The following ARHGAP44 variants were observed in gnomAD, a reference collection of about 807,000 sequenced individuals.
ARHGAP44 encodes the protein rho GTPase-activating protein 44.
Under a neutral mutation model 106.8 loss-of-function variants are expected in ARHGAP44, and 43 were observed. That is an observed-to-expected ratio of 0.40 (90% confidence interval 0.32 to 0.52). The LOEUF is 0.52. Ranked by LOEUF, ARHGAP44 falls within the 20% of genes least tolerant of loss-of-function variation. The pLI is 0.48. For missense variants in ARHGAP44, 866 were observed against 1,050.5 expected (o/e 0.82, Z 2.43); for synonymous variants, 439 against 410.3 (o/e 1.07, Z -0.85).
At chr17:12,951,504 G>T (rs1250275859) in intron 12 of ARHGAP44, among the ~76,000 whole-genome samples, 1 of 152,140 alleles carries the variant, frequency 6.6e-6, no homozygotes. Context: ...TTATTTATTG[G>T]ATATATAAGT....
Position 12,923,443 on chromosome 17 carries a change from T to C in ARHGAP44, c.464+3612T>C, listed in dbSNP as rs111680117. 7.6e-3 allele frequency among the ~76,000 whole-genome samples: 1,154 copies of C among 152,260 alleles called. 33 individuals are homozygous for C. The South Asian group carries it at 0.1, about 14-fold the overall frequency. ...GTTGGCCAGGCTGGTCTCGAACTCCTGACCTCAGGTAGATCCGTCTGCCTC... is the reference window on the plus strand; with the variant it reads ...GTTGGCCAGGCTGGTCTCGAACTCCCGACCTCAGGTAGATCCGTCTGCCTC... On this transcript the variant is annotated intron_variant, in intron 6 of 20. Transcript: ENST00000379672.
chr17:12,975,359 G>T (rs1004148622), intron 18 of ARHGAP44, among the ~76,000 whole-genome samples: 2 of 152,026 alleles, frequency 1.3e-5, no homozygotes, highest in Non-Finnish European at 2.9e-5. Context: ...GTCAGGGAAT[G>T]AATGGAGGTG....
intron 5 of ARHGAP44, 147 bp from the exon 6 acceptor site, chr17:12,919,608 A>T: frequency 3.8e-6 from 2 of 530,558 alleles, no homozygotes; most frequent in Non-Finnish European, 6.6e-6. Context: ...CTGGTCTCGA[A>T]CTCCTGACCT....
chr17:12,989,791 C>A (rs748776973), intron 20 of ARHGAP44, among the ~76,000 whole-genome samples: 1 of 152,176 alleles, frequency 6.6e-6, no homozygotes, highest in Non-Finnish European at 1.5e-5. Context: ...TCTGGCCTTC[C>A]TCTGAACCAC....
chr17:12,865,306 A>G (rs936681466), intron 1 of ARHGAP44, among the ~76,000 whole-genome samples: 4 of 152,240 alleles, frequency 2.6e-5, no homozygotes, highest in African/African-American at 9.6e-5. Context: ...ACACAATTCT[A>G]CATCAAGCTC....
At chr17:12,799,756 A>G (rs1204953668) in intron 1 of ARHGAP44, among the ~76,000 whole-genome samples, 1 of 152,096 alleles carries the variant, frequency 6.6e-6, no homozygotes, top group Non-Finnish European at 1.5e-5. Context: ...CAGCCTCCTG[A>G]GTAGCTGAGA....
At chr17:12,910,260 CTT>C (rs71369352) in intron 4 of ARHGAP44, among the ~76,000 whole-genome samples, 2,868 of 132,852 alleles carry the variant, frequency 0.022, 87 homozygotes, top group African/African-American at 0.073. Flanking sequence ...GGGGAGGAAA[CTT>C]TTTTTTTTTT....
chr17:12,910,155 A>G (rs890558269), intron 4 of ARHGAP44, among the ~76,000 whole-genome samples: 1 of 152,120 alleles, frequency 6.6e-6, no homozygotes, highest in Non-Finnish European at 1.5e-5. Flanking sequence ...TGAAAGGACT[A>G]GTTAAGGCTA....
intron 7 of ARHGAP44, among the ~76,000 whole-genome samples, chr17:12,931,552 A>G (rs1413793841): frequency 6.6e-6 from 1 of 151,734 alleles, no homozygotes; most frequent in Non-Finnish European, 1.5e-5. Context: ...GCTGGAGTGC[A>G]GTGGCGGGAT....
chr17:12,851,053 T>C (rs1039304427), intron 1 of ARHGAP44, among the ~76,000 whole-genome samples: 2 of 152,224 alleles, frequency 1.3e-5, no homozygotes, highest in South Asian at 4.1e-4. Flanking sequence ...TAGAGTCCGT[T>C]TCAGCTTTAA....
Position 12,991,298 on chromosome 17 carries a change from A to G in ARHGAP44, c.*1127A>G, listed in dbSNP as rs2143519141. The G allele has an allele frequency of 6.5e-6, 1 of 152,826 alleles. No homozygotes were observed. Among genetic ancestry groups the G allele is most frequent in the African/African-American group, 2.4e-5 (1 of 41,592 alleles). The allele number at this position is 152,826 out of a possible 1,614,324, so 9.5% of individuals were successfully genotyped here. On this transcript the variant is annotated 3_prime_UTR_variant, in exon 21 of 21. Transcript: ENST00000379672. ...AAGTTTAAAATTTTATCCTTTTCAA[A>G]TAGATGATATAATATACCTATACAT... is the stretch of plus-strand genomic sequence containing the variant.
At chr17:12,878,271 C>A (rs1410178239) in intron 1 of ARHGAP44, among the ~76,000 whole-genome samples, 2 of 150,530 alleles carry the variant, frequency 1.3e-5, no homozygotes, top group South Asian at 4.2e-4. Context: ...TTTCATGGAA[C>A]AAATTTTGGG....
chr17:12,886,964 G>GTT (rs769468845), intron 1 of ARHGAP44, among the ~76,000 whole-genome samples: 3,018 of 108,612 alleles, frequency 0.028, 156 homozygotes, highest in African/African-American at 0.1. Flanking sequence ...TTTTCTAAGA[G>GTT]TTTTTTTTTT....
chr17:12,978,253 T>G (rs2039745558), intron 18 of ARHGAP44, among the ~76,000 whole-genome samples: 1 of 152,152 alleles, frequency 6.6e-6, no homozygotes, highest in Non-Finnish European at 1.5e-5. Context: ...TAGGTAGATA[T>G]TTGGCATTGA....
chr17:12,875,532 C>T (rs954420564), intron 1 of ARHGAP44, among the ~76,000 whole-genome samples: 5 of 152,098 alleles, frequency 3.3e-5, no homozygotes, highest in African/African-American at 1.2e-4. Context: ...TTCAAGATTC[C>T]AGTGAGCTAT....
chr17:12,809,306 C>T (rs533863229), intron 1 of ARHGAP44, among the ~76,000 whole-genome samples: 23 of 152,302 alleles, frequency 1.5e-4, no homozygotes, highest in East Asian at 3.9e-4. Flanking sequence ...GCCCCACTCC[C>T]GGTACCAATT....
intron 1 of ARHGAP44, among the ~76,000 whole-genome samples, chr17:12,806,606 T>G (rs7225339): frequency 0.18 from 26,904 of 152,102 alleles, 3,985 homozygotes; most frequent in African/African-American, 0.4. Flanking sequence ...ACTTGACATC[T>G]CCCCATAGTT....
rs201743317 is a variant in ARHGAP44, at chr17:12,908,957, G to A, written c.259G>A (p.Asp87Asn). 1.3e-6 allele frequency: 2 copies of A among 1,595,032 alleles called. No homozygotes were observed. Among genetic ancestry groups the A allele is most frequent in the Non-Finnish European group, 1.7e-6 (2 of 1,174,478 alleles). Residue 87 changes from aspartate to asparagine, a missense_variant, in exon 4 of 21, where the codon GAT becomes AAT. Around this residue, in one of 2 missense-constraint regions of ARHGAP44, gnomAD observed 448 missense variants for 646.9 expected, o/e 0.69. Transcript: ENST00000379672. Reference protein sequence around the residue: ...CLMEGSAILGDDTLLGKMLKL... With the variant: ...CLMEGSAILGNDTLLGKMLKL... Reference sequence around the variant, plus strand: ...GATGGAGGGGTCAGCTATCCTGGGAGATGACACACTTCTTGGGTAAGGTGA... The same window carrying A: ...GATGGAGGGGTCAGCTATCCTGGGAAATGACACACTTCTTGGGTAAGGTGA...
At position 12,958,366 on chromosome 17, in the gene ARHGAP44, G is replaced by A. The variant is rs2039178961; in HGVS notation, c.1343-351G>A. On this transcript the variant is annotated intron_variant, in intron 15 of 20. Transcript: ENST00000379672. The surrounding 1 kb of genome is among the most constrained non-coding windows in gnomAD (Gnocchi z 4.1). ...TGTTAAGTAATGGTAGTGGTAGTGA[G>A]CATTGCCATTTCTCCTGATTAGTTT... 6.6e-6 allele frequency among the ~76,000 whole-genome samples: 1 copy of A among 152,148 alleles called. No homozygotes were observed. The highest frequency in any genetic ancestry group is 1.5e-5 in the Non-Finnish European group (1 of 68,046).
Sources: allele counts gnomAD v4.1 joint callset (sites outside exome capture counted in the v4.1 genomes callset), GRCh38; gene constraint gnomAD v4.1.1; regional missense constraint gnomAD v4.1.1; non-coding constraint Gnocchi (gnomAD v3.1); transcripts MANE v1.5; gene names NCBI Gene and HGNC (gene_info 2026-07-23, HGNC 2026-07-21).